The following SIDT1 variants were observed in gnomAD, a reference collection of about 807,000 sequenced individuals.
SIDT1 encodes the protein SID1 transmembrane family, member 1.
A neutral mutation model predicts 107.5 loss-of-function variants in SIDT1; 101 were observed. That is an observed-to-expected ratio of 0.94 (90% CI 0.80 to 1.11). SIDT1 has a LOEUF of 1.11. Ranked by LOEUF, SIDT1 falls within the 50% of genes least tolerant of loss-of-function variation. SIDT1 has a pLI of 0.00. For synonymous variants in SIDT1, 395 were observed against 398.2 expected (o/e 0.99, Z 0.10); for missense variants, 1,076 against 1,058.2 (o/e 1.02, Z -0.23).
intron 9 of SIDT1, among the ~76,000 whole-genome samples, chr3:113,586,781 A>T (rs187193307): frequency 6.6e-6 from 1 of 152,244 alleles, no homozygotes; most frequent in African/African-American, 2.4e-5. Context: ...GTAGCATTCC[A>T]GAAATGCATA....
intron 1 of SIDT1, among the ~76,000 whole-genome samples, chr3:113,561,533 A>G (rs1302642536): frequency 6.6e-6 from 1 of 152,204 alleles, no homozygotes; most frequent in African/African-American, 2.4e-5. Flanking sequence ...ACCAGCTTCC[A>G]GACCAACTCT....
In SIDT1 at chr3:113,566,477, CTTG is replaced by C. The variant is rs765762778; in HGVS notation, c.285_287del (p.Val97del). ...CTCTGAGAATCTCAACTACCCGGTC[CTTG>C]TTGTGGTTCGCCAGCAGAAAGAGGT... On this transcript the variant is annotated inframe_deletion, in exon 2 of 25. Transcript: ENST00000264852. 4 of 1,613,980 alleles carry C rather than the reference CTTG, an allele frequency of 2.5e-6. No homozygotes were observed. The East Asian group carries it at 6.7e-5, about 27-fold the overall frequency.
chr3:113,617,520 A>G (rs1006112707), intron 20 of SIDT1, among the ~76,000 whole-genome samples: 1 of 152,192 alleles, frequency 6.6e-6, no homozygotes, highest in Non-Finnish European at 1.5e-5. Flanking sequence ...CTTTATCATC[A>G]GAATATTTTT....
At chr3:113,601,735 C>A (rs2107662432) in intron 11 of SIDT1, 76 bp downstream of exon 11, 1 of 1,001,036 alleles carries the variant, frequency 1.0e-6, no homozygotes, top group Admixed American at 2.2e-5. Context: ...ATTCCAGCCA[C>A]TAATAACTGG....
chr3:113,610,788 A>G (rs964485071), intron 17 of SIDT1, among the ~76,000 whole-genome samples: 2 of 152,198 alleles, frequency 1.3e-5, no homozygotes, highest in African/African-American at 4.8e-5. Context: ...TCTGTGAACT[A>G]AAGGGCAGCC....
intron 13 of SIDT1, among the ~76,000 whole-genome samples, 179 bp downstream of exon 13, chr3:113,604,212 C>T (rs1945164219): frequency 1.3e-5 from 2 of 152,202 alleles, no homozygotes; most frequent in South Asian, 4.1e-4. Context: ...CAGCCTCCCT[C>T]CCAGCCAAGA....
At chr3:113,600,049 C>T (rs926213985) in intron 10 of SIDT1, among the ~76,000 whole-genome samples, 1 of 152,220 alleles carries the variant, frequency 6.6e-6, no homozygotes, top group Non-Finnish European at 1.5e-5. Context: ...GTGGCTCACG[C>T]CTGTAATCCC....
chr3:113,541,713 G>A (rs1938893266), intron 1 of SIDT1, among the ~76,000 whole-genome samples: 1 of 152,048 alleles, frequency 6.6e-6, no homozygotes. Flanking sequence ...GTACTTGAAG[G>A]TCTGTTTAGC....
At chr3:113,573,561 A>G (rs1446158622) in intron 3 of SIDT1, among the ~76,000 whole-genome samples, 1 of 152,162 alleles carries the variant, frequency 6.6e-6, no homozygotes, top group Non-Finnish European at 1.5e-5. Flanking sequence ...CTATGGTCTC[A>G]ATGTTTACTT....
intron 10 of SIDT1, among the ~76,000 whole-genome samples, chr3:113,597,495 C>CAAAAAA (rs60934363): frequency 2.7e-5 from 3 of 109,526 alleles, no homozygotes; most frequent in Non-Finnish European, 3.6e-5. Flanking sequence ...GACTCCATCT[C>CAAAAAA]AAAAAAAAAA....
chr3:113,623,281 T>TA (rs1030807065), intron 21 of SIDT1, 146 bp from the exon 22 acceptor site: 229 of 441,952 alleles, frequency 5.2e-4, no homozygotes, highest in Middle Eastern at 1.2e-3. Context: ...GGTAAGAGTT[T>TA]AAAAAAAAAT....
chr3:113,536,078 C>G (rs1176418260), intron 1 of SIDT1, among the ~76,000 whole-genome samples: 1 of 152,154 alleles, frequency 6.6e-6, no homozygotes, highest in African/African-American at 2.4e-5. Context: ...GAAACCTAGG[C>G]CATACTGTTC....
chr3:113,572,693 G>A (rs1318127941), intron 3 of SIDT1, among the ~76,000 whole-genome samples: 3 of 152,350 alleles, frequency 2.0e-5, no homozygotes, highest in East Asian at 1.9e-4. Context: ...GGGAGAAAAC[G>A]AGTCAAATAG....
At chr3:113,591,426 G>T (rs2614199) in intron 9 of SIDT1, among the ~76,000 whole-genome samples, 147,941 of 152,158 alleles carry the variant, frequency 0.97, 72,069 homozygotes, top group Middle Eastern at 1. Flanking sequence ...TTACAGAAAT[G>T]GACAAACTGA....
At chr3:113,559,253 G>C (rs924014162) in intron 1 of SIDT1, among the ~76,000 whole-genome samples, 3 of 152,192 alleles carry the variant, frequency 2.0e-5, no homozygotes, top group Non-Finnish European at 4.4e-5. Context: ...AACTGTAGTA[G>C]ATATTGGCAA....
At chr3:113,535,623 A>T (rs1383351027) in intron 1 of SIDT1, among the ~76,000 whole-genome samples, 1 of 152,220 alleles carries the variant, frequency 6.6e-6, no homozygotes, top group Non-Finnish European at 1.5e-5. Flanking sequence ...AGTCCCTAGA[A>T]TTTTTGTTAA....
chr3:113,583,542 G>T, intron 7 of SIDT1, 46 bp downstream of exon 7: 1 of 1,426,378 alleles, frequency 7.0e-7, no homozygotes, highest in Non-Finnish European at 9.7e-7. Flanking sequence ...AAACCTGAAG[G>T]AAGGGAGTGA....
At chr3:113,624,631 T>A (rs11928590) in intron 23 of SIDT1, among the ~76,000 whole-genome samples, 46,988 of 152,046 alleles carry the variant, frequency 0.31, 7,485 homozygotes, top group Non-Finnish European at 0.35. Context: ...CATTTTAAAA[T>A]GTGCAGTTCA....
chr3:113,559,518 T>C (rs886740711), intron 1 of SIDT1, among the ~76,000 whole-genome samples: 12 of 152,130 alleles, frequency 7.9e-5, no homozygotes, highest in African/African-American at 2.7e-4. Context: ...CTGGGCTCAC[T>C]GCAACCTCTG....
Sources: gnomAD v4.1 joint callset for allele counts (sites outside exome capture counted in the v4.1 genomes callset) on GRCh38, gnomAD v4.1.1 for gene constraint, MANE v1.5 for transcripts, NCBI Gene and HGNC (gene_info 2026-07-23, HGNC 2026-07-21) for gene names.